CSMD1: variants seen among roughly 807,000 people sequenced by gnomAD.
CSMD1 encodes CUB and Sushi multiple domains 1.
Under a neutral mutation model 417.5 loss-of-function variants are expected in CSMD1, and 213 were observed. That is an observed-to-expected ratio of 0.51 (90% CI 0.46 to 0.57). CSMD1 has a LOEUF of 0.57. Ranked by LOEUF, CSMD1 falls within the 20% of genes least tolerant of loss-of-function variation. The pLI is 0.00. For missense variants in CSMD1, 6,923 were observed against 4,529.7 expected (o/e 1.53, Z -15.17); for synonymous variants, 2,862 against 1,736.8 (o/e 1.65, Z -16.11).
chr8:4,014,774 G>A (rs1210153261), intron 4 of CSMD1, among the ~76,000 whole-genome samples: 1 of 152,120 alleles, frequency 6.6e-6, no homozygotes, highest in Non-Finnish European at 1.5e-5. Flanking sequence ...ACCTGGGCAT[G>A]GATTCATTCT....
chr8:3,695,090 G>GTGTGTGTGTGTGTGTGTC (rs1800473458), intron 7 of CSMD1, among the ~76,000 whole-genome samples: 1 of 138,408 alleles, frequency 7.2e-6, no homozygotes. Context: ...GGCCCTGCGT[G>GTGTGTGTGTGTGTGTGTC]TGTGTGTGTG....
intron 10 of CSMD1, among the ~76,000 whole-genome samples, chr8:3,536,721 T>C (rs1311797900): frequency 6.6e-6 from 1 of 152,118 alleles, no homozygotes; most frequent in South Asian, 2.1e-4. Flanking sequence ...CCTCCTCCGG[T>C]CTTGCAGGTG....
At chr8:4,440,343 A>C (rs772899118) in intron 2 of CSMD1, among the ~76,000 whole-genome samples, 2 of 151,960 alleles carry the variant, frequency 1.3e-5, no homozygotes, top group African/African-American at 2.4e-5. Context: ...GCATGTAAAT[A>C]AATCATTACA....
chr8:4,130,079 G>A (rs1012724180), intron 3 of CSMD1, among the ~76,000 whole-genome samples: 1 of 152,110 alleles, frequency 6.6e-6, no homozygotes, highest in Non-Finnish European at 1.5e-5. Context: ...CTGAGTGTGT[G>A]TGTGAGAGGA....
intron 57 of CSMD1, among the ~76,000 whole-genome samples, chr8:2,967,248 T>G (rs1804050320): frequency 6.6e-6 from 1 of 152,218 alleles, no homozygotes; most frequent in Non-Finnish European, 1.5e-5. Flanking sequence ...AAATAAAGAA[T>G]GCCTCAGAAG....
chr8:4,756,399 A>T (rs1457194), intron 1 of CSMD1, among the ~76,000 whole-genome samples: 1,885 of 152,318 alleles, frequency 0.012, 28 homozygotes, highest in African/African-American at 0.043. Flanking sequence ...GACCCGACCA[A>T]GTTGAAGAAC....
At chr8:3,291,661 T>A (rs1803576830) in intron 25 of CSMD1, among the ~76,000 whole-genome samples, 1 of 152,218 alleles carries the variant, frequency 6.6e-6, no homozygotes. Flanking sequence ...TTCTGTGGGA[T>A]CGGTGGTGAT....
At chr8:3,684,355 A>G (rs953672766) in intron 7 of CSMD1, among the ~76,000 whole-genome samples, 3 of 146,838 alleles carry the variant, frequency 2.0e-5, no homozygotes, top group African/African-American at 7.4e-5. Flanking sequence ...ACATACAAGC[A>G]TGTTGTATAT....
At chr8:4,637,643 A>AT in intron 1 of CSMD1, 85 bp from the exon 2 acceptor site, 3 of 381,422 alleles carry the variant, frequency 7.9e-6, no homozygotes, top group South Asian at 7.5e-5. Context: ...CACTTTAGCC[A>AT]ATTTTTTTTT....
At chr8:4,623,103 A>G (rs1308876862) in intron 2 of CSMD1, among the ~76,000 whole-genome samples, 1 of 152,166 alleles carries the variant, frequency 6.6e-6, no homozygotes, top group Non-Finnish European at 1.5e-5. Context: ...ATTTCAGTCA[A>G]AGAACTCGAA....
chr8:4,774,923 G>T (rs2117162924), intron 1 of CSMD1, among the ~76,000 whole-genome samples: 1 of 152,254 alleles, frequency 6.6e-6, no homozygotes, highest in Non-Finnish European at 1.5e-5. Context: ...CTTCCAGCAT[G>T]ATGTTCTCTG....
chr8:3,254,569 C>T (rs867711641), intron 26 of CSMD1, among the ~76,000 whole-genome samples: 3 of 151,904 alleles, frequency 2.0e-5, no homozygotes, highest in African/African-American at 4.8e-5. Flanking sequence ...AGGCTTTGTT[C>T]CTTTTCATTC....
At chr8:4,228,765 C>A (rs1801520881) in intron 3 of CSMD1, among the ~76,000 whole-genome samples, 1 of 152,012 alleles carries the variant, frequency 6.6e-6, no homozygotes, top group Non-Finnish European at 1.5e-5. Flanking sequence ...CTCAATGCAA[C>A]CTCTGCCTCC....
chr8:4,817,149 A>G (rs920594150), intron 1 of CSMD1, among the ~76,000 whole-genome samples: 1 of 152,166 alleles, frequency 6.6e-6, no homozygotes, highest in Non-Finnish European at 1.5e-5. Context: ...ATATTTACAT[A>G]AATACACACA....
chr8:3,073,749 A>G (rs1813462375), intron 49 of CSMD1, among the ~76,000 whole-genome samples: 1 of 151,904 alleles, frequency 6.6e-6, no homozygotes, highest in South Asian at 2.1e-4. Flanking sequence ...AAAAATGAGA[A>G]CATGAACTTT....
chr8:4,257,277 C>CT (rs1803529725), intron 3 of CSMD1, among the ~76,000 whole-genome samples: 1 of 152,082 alleles, frequency 6.6e-6, no homozygotes, highest in Admixed American at 6.5e-5. Context: ...TTTCTGTACC[C>CT]TTTCTGTTAT....
At chr8:4,210,072 T>G (rs1049909043) in intron 3 of CSMD1, among the ~76,000 whole-genome samples, 1 of 152,162 alleles carries the variant, frequency 6.6e-6, no homozygotes, top group Non-Finnish European at 1.5e-5. Context: ...AAGTCCCACC[T>G]CCTACCTCAC....
At chr8:3,873,421 G>C (rs1249691085) in intron 5 of CSMD1, among the ~76,000 whole-genome samples, 6 of 152,220 alleles carry the variant, frequency 3.9e-5, no homozygotes, top group Middle Eastern at 3.4e-3. Flanking sequence ...GATGGAACTG[G>C]AGGCCATTAT....
chr8:3,811,946 TTTTG>T (rs1206512978), intron 5 of CSMD1, among the ~76,000 whole-genome samples: 1 of 152,214 alleles, frequency 6.6e-6, no homozygotes, highest in Non-Finnish European at 1.5e-5. Context: ...CTGGAAAGGC[TTTTG>T]TTTGTTTTTG....
Sources: allele counts gnomAD v4.1 joint callset (sites outside exome capture counted in the v4.1 genomes callset), GRCh38; gene constraint gnomAD v4.1.1; transcripts MANE v1.5; gene names NCBI Gene and HGNC (gene_info 2026-07-23, HGNC 2026-07-21).